TMEM181: variants seen among roughly 807,000 people sequenced by gnomAD.
TMEM181 encodes the protein transmembrane protein 181, also known as G protein-coupled receptor 178.
Under a neutral mutation model 71.9 loss-of-function variants are expected in TMEM181, and 39 were observed. That is an observed-to-expected ratio of 0.54 (90% CI 0.42 to 0.71). The LOEUF is 0.71. TMEM181 is among the 30% of genes least tolerant of loss of function. The pLI, the probability that TMEM181 is intolerant of heterozygous loss-of-function variation, is 0.00. For synonymous variants in TMEM181, 245 were observed against 228.8 expected (o/e 1.07, Z -0.64); for missense variants, 595 against 583.0 (o/e 1.02, Z -0.21).
At chr6:158,611,112 G>T (rs1785278511) in intron 10 of TMEM181, 3 of 511,848 alleles carry the variant, frequency 5.9e-6, no homozygotes, top group Non-Finnish European at 1.2e-5. Context: ...TCCCCAAGGG[G>T]CTCCTCAGTG....
At chr6:158,618,221 A>G (rs1402544918) in intron 10 of TMEM181, among the ~76,000 whole-genome samples, 1 of 152,076 alleles carries the variant, frequency 6.6e-6, no homozygotes, top group East Asian at 1.9e-4. Flanking sequence ...TGATCCCTTT[A>G]CCATTATGTA....
intron 1 of TMEM181, among the ~76,000 whole-genome samples, chr6:158,566,457 G>T (rs1176938064): frequency 6.8e-6 from 1 of 147,424 alleles, no homozygotes; most frequent in African/African-American, 2.5e-5. Context: ...GATGAGGGAG[G>T]TGATGGTGAG....
rs1413215856 is a variant in TMEM181, at chr6:158,607,166, A to G, written c.574-78A>G. The G allele has an allele frequency of 2.1e-5, 24 of 1,163,860 alleles. No individual in the cohort carries two copies. The Admixed American group carries it at 2.9e-4, about 14-fold the overall frequency. The allele number at this position is 1,163,860 out of a possible 1,614,324, so 72.1% of individuals were successfully genotyped here. A position where few individuals can be genotyped will look rare whatever the true frequency, so the allele number is the denominator to read the frequency against. ...CATTGATTAGAGAAGACAACCTGGT[A>G]TGCCGGCAAGGTGTGAGCAAAGGCT... is the stretch of plus-strand genomic sequence containing the variant. On this transcript the variant is annotated intron_variant, in intron 7 of 16. Coordinates refer to ENST00000684151, the MANE Select transcript of TMEM181 (RefSeq NM_001376852.1).
rs1033905505 is a variant in TMEM181 at position 158,560,178 on chromosome 6, G to A, written c.-47G>A. 3.6e-5 allele frequency: 35 copies of A among 984,826 alleles called. No individual in the cohort carries two copies. The highest frequency in any genetic ancestry group is 3.9e-5 in the Non-Finnish European group (32 of 829,788). 61.0% of individuals were successfully genotyped at this position (984,826 alleles called of 1,614,324 possible). On this transcript the variant is annotated 5_prime_UTR_variant, in exon 1 of 17. Transcript: ENST00000684151. ...TGCCGAGGCTGCTGCGCGGCGCCTG[G>A]CGGGCTCGGGACGCGCGGGCCGGGG...
chr6:158,621,788 T>C (rs1035715816), intron 10 of TMEM181, among the ~76,000 whole-genome samples: 8 of 152,220 alleles, frequency 5.3e-5, no homozygotes, highest in African/African-American at 1.9e-4. Flanking sequence ...CACCAAGCGC[T>C]TCTGTCTGCG....
At chr6:158,562,478 T>C (rs753880) in intron 1 of TMEM181, among the ~76,000 whole-genome samples, 30,301 of 116,236 alleles carry the variant, frequency 0.26, 3,817 homozygotes, top group East Asian at 0.59. Context: ...GTGTGTGTCT[T>C]GCTTGGCACG....
chr6:158,599,573 A>G (rs1784559096), intron 6 of TMEM181, among the ~76,000 whole-genome samples: 1 of 152,266 alleles, frequency 6.6e-6, no homozygotes, highest in African/African-American at 2.4e-5. Context: ...ATAAACACAG[A>G]ACAAACAAAA....
At chr6:158,623,006 A>G (rs1388898680) in intron 10 of TMEM181, among the ~76,000 whole-genome samples, 2 of 152,134 alleles carry the variant, frequency 1.3e-5, no homozygotes, top group African/African-American at 4.8e-5. Flanking sequence ...CATGAATAGG[A>G]CTTTCACGGA....
chr6:158,548,581 C>T (rs905105695), intron 1 of TMEM181, among the ~76,000 whole-genome samples: 5 of 152,176 alleles, frequency 3.3e-5, no homozygotes, highest in East Asian at 3.9e-4. Flanking sequence ...TCCAGTCCTG[C>T]GCTCACTGGC....
At chr6:158,538,941 CAG>C (rs572147587) in intron 1 of TMEM181, among the ~76,000 whole-genome samples, 303 of 152,288 alleles carry the variant, frequency 2.0e-3, no homozygotes, top group African/African-American at 6.3e-3. Context: ...GCACTGTGGT[CAG>C]AGAGAGAGGC....
rs11754025 is a variant in TMEM181, at chr6:158,585,733, G to A, written c.381+308G>A. Among the ~76,000 whole-genome samples, 1,455 of 152,306 alleles carry A rather than the reference G, an allele frequency of 9.6e-3. 9 individuals carry two copies. Among genetic ancestry groups the A allele is most frequent in the Non-Finnish European group, 0.017 (1,136 of 68,024 alleles). On this transcript the variant is annotated intron_variant, in intron 5 of 16. Coordinates refer to ENST00000684151, the MANE Select transcript of TMEM181 (RefSeq NM_001376852.1). ...CATACACGGTACTTGTTTTTACTGT[G>A]TGTGTGACCTTCTGCCCAGTGTGTC... is the stretch of plus-strand genomic sequence containing the variant.
At chr6:158,631,497 A>G (rs1786663420) in intron 16 of TMEM181, 108 bp downstream of exon 16, 2 of 1,242,352 alleles carry the variant, frequency 1.6e-6, no homozygotes, top group Non-Finnish European at 2.3e-6. Flanking sequence ...GTATGAAGGC[A>G]TTTACCTTGG....
intron 6 of TMEM181, among the ~76,000 whole-genome samples, chr6:158,590,502 G>A (rs1372063563): frequency 1.3e-5 from 2 of 152,094 alleles, no homozygotes; most frequent in Admixed American, 1.3e-4. Context: ...CTGTCACCAG[G>A]CTGGAGTGTG....
At chr6:158,572,455 C>A in intron 1 of TMEM181, 1 of 456,704 alleles carries the variant, frequency 2.2e-6, no homozygotes, top group South Asian at 1.5e-5. Flanking sequence ...CAGACAGCGC[C>A]GCACGTCCCT....
chr6:158,591,144 T>C (rs1360485337), intron 6 of TMEM181, among the ~76,000 whole-genome samples: 2 of 152,234 alleles, frequency 1.3e-5, no homozygotes, highest in African/African-American at 4.8e-5. Context: ...TTGGCTGTTG[T>C]GAACTACACA....
intron 7 of TMEM181, among the ~76,000 whole-genome samples, 176 bp downstream of exon 7, chr6:158,605,523 A>G (rs1419172646): frequency 6.6e-6 from 1 of 152,176 alleles, no homozygotes; most frequent in Non-Finnish European, 1.5e-5. Context: ...GCCGTGCAAG[A>G]AAAAATGATG....
chr6:158,539,456 CCTTCT>C (rs911020590), intron 1 of TMEM181, among the ~76,000 whole-genome samples: 1 of 152,180 alleles, frequency 6.6e-6, no homozygotes, highest in Non-Finnish European at 1.5e-5. Context: ...GATTTTGGCT[CCTTCT>C]CTTCTCACCG....
intron 13 of TMEM181, among the ~76,000 whole-genome samples, chr6:158,626,960 A>T (rs73016224): frequency 0.049 from 3,368 of 68,098 alleles, 153 homozygotes; most frequent in African/African-American, 0.15. Flanking sequence ...ACCCTCACTC[A>T]CACCCTCTCA....
chr6:158,605,421 C>T (rs373551961), intron 7 of TMEM181, 74 bp downstream of exon 7: 55 of 1,352,004 alleles, frequency 4.1e-5, no homozygotes, highest in East Asian at 6.9e-5. Context: ...TTAGGATCTT[C>T]GGTGCAAGCC....
Sources: gnomAD v4.1 joint callset for allele counts (sites outside exome capture counted in the v4.1 genomes callset) on GRCh38, gnomAD v4.1.1 for gene constraint, MANE v1.5 for transcripts, NCBI Gene and HGNC (gene_info 2026-07-23, HGNC 2026-07-21) for gene names.